Variants in STK33 observed in about 807,000 individuals in gnomAD.
STK33 encodes serine/threonine kinase 33, also known as serine/threonine-protein kinase 33.
A neutral mutation model predicts 58.0 loss-of-function variants in STK33; 52 were observed. The ratio of observed to expected loss-of-function variants is 0.90; its 90% confidence interval spans 0.72 to 1.13. STK33 has a LOEUF of 1.13. STK33 is among the 50% of genes most tolerant of loss of function. STK33 has a pLI of 0.00. For missense variants in STK33, 630 were observed against 604.2 expected (o/e 1.04, Z -0.45); for synonymous variants, 215 against 200.1 (o/e 1.07, Z -0.63).
chr11:8,508,266 C>CTT (rs34759366), intron 1 of STK33, among the ~76,000 whole-genome samples: 28,149 of 113,884 alleles, frequency 0.25, 4,259 homozygotes, highest in Middle Eastern at 0.29. Flanking sequence ...ACCTTCTATT[C>CTT]TTTTTTTTTT....
At chr11:8,472,255 CTT>C (rs1491285537) in intron 6 of STK33, among the ~76,000 whole-genome samples, 1 of 94,988 alleles carries the variant, frequency 1.1e-5, no homozygotes, top group Non-Finnish European at 2.3e-5. Context: ...ACTTGGTAAA[CTT>C]GTGTGTGTGT....
At chr11:8,444,765 T>C (rs1278625770) in intron 11 of STK33, among the ~76,000 whole-genome samples, 1 of 152,118 alleles carries the variant, frequency 6.6e-6, no homozygotes, top group Non-Finnish European at 1.5e-5. Context: ...GATAATTTAG[T>C]ATAAATTGAA....
intron 15 of STK33, among the ~76,000 whole-genome samples, chr11:8,408,527 T>A (rs1939662381): frequency 6.6e-6 from 1 of 152,190 alleles, no homozygotes; most frequent in Non-Finnish European, 1.5e-5. Flanking sequence ...AGCCTATGAA[T>A]CCAGGCCAGC....
intron 1 of STK33, among the ~76,000 whole-genome samples, chr11:8,584,583 T>C (rs1199816695): frequency 2.0e-5 from 3 of 152,198 alleles, no homozygotes; most frequent in African/African-American, 4.8e-5. Flanking sequence ...AGAGCAAGAC[T>C]ATGATAATGC....
At chr11:8,402,490 A>G (rs1938246155) in intron 15 of STK33, among the ~76,000 whole-genome samples, 1 of 152,222 alleles carries the variant, frequency 6.6e-6, no homozygotes, top group Admixed American at 6.5e-5. Context: ...GAGGAGGGAT[A>G]GCATTAGGAG....
intron 1 of STK33, among the ~76,000 whole-genome samples, chr11:8,546,832 C>T (rs543890106): frequency 2.0e-5 from 3 of 152,288 alleles, no homozygotes; most frequent in East Asian, 3.9e-4. Context: ...TCCATTCATC[C>T]ACTGATGGGC....
At chr11:8,519,911 G>A (rs1200302404) in intron 1 of STK33, among the ~76,000 whole-genome samples, 9 of 152,068 alleles carry the variant, frequency 5.9e-5, no homozygotes, top group African/African-American at 4.8e-5. Context: ...TTCTACCAGA[G>A]GTACAAAGAG....
At chr11:8,576,759 C>T (rs1958213916) in intron 1 of STK33, among the ~76,000 whole-genome samples, 1 of 152,118 alleles carries the variant, frequency 6.6e-6, no homozygotes, top group Non-Finnish European at 1.5e-5. Flanking sequence ...CACAAGGCCA[C>T]ACAGCTAATA....
the STK33 span, among the ~76,000 whole-genome samples, chr11:8,368,553 T>C: frequency 2.0e-5 from 3 of 152,226 alleles, no homozygotes; most frequent in African/African-American, 7.2e-5. Context: ...TAGAAAGCCA[T>C]TGTGAATACT....
At chr11:8,375,844 G>A in the STK33 span, among the ~76,000 whole-genome samples, 2 of 152,164 alleles carry the variant, frequency 1.3e-5, no homozygotes, top group African/African-American at 4.8e-5. Flanking sequence ...CAGCCATGTG[G>A]AACTGTGAGT....
chr11:8,496,938 C>A (rs1420059621), intron 1 of STK33, among the ~76,000 whole-genome samples: 1 of 151,882 alleles, frequency 6.6e-6, no homozygotes, highest in African/African-American at 2.4e-5. Flanking sequence ...ATTATTTTTA[C>A]CATATCAGTT....
chr11:8,567,971 C>T (rs1957557547), intron 1 of STK33, among the ~76,000 whole-genome samples: 1 of 152,124 alleles, frequency 6.6e-6, no homozygotes, highest in Non-Finnish European at 1.5e-5. Context: ...AAATGCCTCC[C>T]TACAAAGTTA....
the STK33 span, among the ~76,000 whole-genome samples, chr11:8,344,231 C>CACA: frequency 6.5e-5 from 2 of 30,650 alleles, no homozygotes; most frequent in Non-Finnish European, 1.7e-4. Context: ...ACACACACAC[C>CACA]CCAGTTAGCT....
chr11:8,396,470 T>A (rs1167028254), intron 15 of STK33, among the ~76,000 whole-genome samples: 1 of 152,174 alleles, frequency 6.6e-6, no homozygotes, highest in Admixed American at 6.5e-5. Flanking sequence ...ATCCTAAAAG[T>A]TTTTCTAAAA....
At chr11:8,416,061 T>C (rs1466145733) in intron 14 of STK33, among the ~76,000 whole-genome samples, 2 of 152,186 alleles carry the variant, frequency 1.3e-5, no homozygotes, top group Admixed American at 1.3e-4. Flanking sequence ...CATCTGCTAT[T>C]CAGTTCACAC....
At position 8,438,063 on chromosome 11, in the gene STK33, T is replaced by A. The variant is rs1944297007; in HGVS notation, c.948-1924A>T. On this transcript the variant is annotated intron_variant, in intron 12 of 15. Coordinates refer to ENST00000687296, the MANE Select transcript of STK33 (RefSeq NM_001352389.2). Reference sequence around the variant, plus strand: ...AAGGCCTAGTTCATTGAGCCTGTTATCAACCAGTGATATGCACATCCACCA... The same window carrying A: ...AAGGCCTAGTTCATTGAGCCTGTTAACAACCAGTGATATGCACATCCACCA... Among the ~76,000 whole-genome samples, 5 of 152,234 alleles carry A rather than the reference T, an allele frequency of 3.3e-5. No homozygotes were observed. In the South Asian group the frequency reaches 1.0e-3, roughly 31 times the overall value.
chr11:8,508,527 C>A (rs758565032), intron 1 of STK33, among the ~76,000 whole-genome samples: 14 of 152,094 alleles, frequency 9.2e-5, no homozygotes, highest in Non-Finnish European at 1.8e-4. Flanking sequence ...CCACCTTGGC[C>A]TCCCAAAGCA....
intron 1 of STK33, among the ~76,000 whole-genome samples, chr11:8,493,195 C>T (rs567427546): frequency 1.6e-4 from 24 of 151,666 alleles, no homozygotes; most frequent in South Asian, 2.1e-4. Flanking sequence ...ATTGATGGAC[C>T]GCTAGCAAGA....
intron 15 of STK33, among the ~76,000 whole-genome samples, chr11:8,402,077 A>C (rs1938118256): frequency 6.6e-6 from 1 of 152,230 alleles, no homozygotes; most frequent in African/African-American, 2.4e-5. Flanking sequence ...AGGGATCTAG[A>C]ATTAGAATTA....
Sources: allele counts gnomAD v4.1 joint callset (sites outside exome capture counted in the v4.1 genomes callset), GRCh38; gene constraint gnomAD v4.1.1; transcripts MANE v1.5; gene names NCBI Gene and HGNC (gene_info 2026-07-23, HGNC 2026-07-21).